The following FHIT variants were observed in gnomAD, a reference collection of about 807,000 sequenced individuals.
FHIT encodes the protein fragile histidine triad diadenosine triphosphatase.
In FHIT, 19 loss-of-function variants were observed where a neutral mutation model predicts 17.9. That is an observed-to-expected ratio of 1.06 (90% CI 0.74 to 1.56). FHIT has a LOEUF of 1.56. FHIT is among the 40% of genes most tolerant of loss of function. FHIT has a pLI of 0.00. For missense variants in FHIT, 248 were observed against 189.2 expected (o/e 1.31, Z -1.82); for synonymous variants, 81 against 69.7 (o/e 1.16, Z -0.81).
intron 4 of FHIT, among the ~76,000 whole-genome samples, chr3:60,661,489 T>C (rs1422459131): frequency 2.6e-5 from 4 of 152,224 alleles, no homozygotes; most frequent in Non-Finnish European, 4.4e-5. Context: ...AGTTTTGCAA[T>C]TGGAAATTGT....
At chr3:59,828,189 C>T (rs1189778423) in intron 8 of FHIT, among the ~76,000 whole-genome samples, 1 of 152,160 alleles carries the variant, frequency 6.6e-6, no homozygotes, top group Non-Finnish European at 1.5e-5. Flanking sequence ...TCATTTTGAA[C>T]TCTGTCAGAC....
chr3:61,225,944 G>T lies in FHIT; in HGVS notation c.-212-25279C>A, dbSNP rs374881826. 5.3e-5 allele frequency among the ~76,000 whole-genome samples: 8 copies of T among 152,222 alleles called. No individual in the cohort carries two copies. In the East Asian group the frequency reaches 1.4e-3, roughly 26 times the overall value. Reference sequence around the variant, plus strand: ...TGATCTGATATTCTATTTCACCAGGGCCAAGCTTATAAAATATTAACTATA... The same window carrying T: ...TGATCTGATATTCTATTTCACCAGGTCCAAGCTTATAAAATATTAACTATA... On this transcript the variant is annotated intron_variant, in intron 1 of 9. Transcript: ENST00000492590.
intron 4 of FHIT, among the ~76,000 whole-genome samples, chr3:60,789,498 CAG>C (rs1553727969): frequency 6.6e-6 from 1 of 152,146 alleles, no homozygotes; most frequent in Non-Finnish European, 1.5e-5. Context: ...AGCCTGGCGA[CAG>C]AGTGAGACTC....
chr3:60,020,577 A>T (rs1700518314), intron 5 of FHIT, among the ~76,000 whole-genome samples: 1 of 152,198 alleles, frequency 6.6e-6, no homozygotes, highest in Non-Finnish European at 1.5e-5. Flanking sequence ...AATAAAAAAG[A>T]GTCTGTATTC....
intron 5 of FHIT, among the ~76,000 whole-genome samples, chr3:60,511,536 T>C (rs189135831): frequency 2.0e-5 from 3 of 152,176 alleles, no homozygotes; most frequent in Admixed American, 1.3e-4. Flanking sequence ...TTAGAATAAA[T>C]AGAAGAGAAA....
intron 8 of FHIT, among the ~76,000 whole-genome samples, chr3:59,856,091 C>A (rs1185971331): frequency 6.6e-6 from 1 of 151,902 alleles, no homozygotes; most frequent in Non-Finnish European, 1.5e-5. Context: ...AATAGATAAA[C>A]CTTTGACAAT....
At chr3:60,922,795 T>C (rs1166292202) in intron 3 of FHIT, among the ~76,000 whole-genome samples, 1 of 152,184 alleles carries the variant, frequency 6.6e-6, no homozygotes, top group Non-Finnish European at 1.5e-5. Flanking sequence ...TGCCATCTAC[T>C]ACCACTTCCA....
intron 3 of FHIT, among the ~76,000 whole-genome samples, chr3:60,864,975 A>T (rs184909139): frequency 1.3e-5 from 2 of 152,280 alleles, no homozygotes; most frequent in Non-Finnish European, 2.9e-5. Context: ...AACCACAGAG[A>T]CACTGCTCAG....
chr3:60,605,995 T>G (rs1187121713), intron 4 of FHIT, among the ~76,000 whole-genome samples: 1 of 152,150 alleles, frequency 6.6e-6, no homozygotes, highest in Non-Finnish European at 1.5e-5. Context: ...GACACAATTA[T>G]AGAAACCAGG....
At chr3:59,869,722 A>C (rs1702833890) in intron 8 of FHIT, among the ~76,000 whole-genome samples, 1 of 151,006 alleles carries the variant, frequency 6.6e-6, no homozygotes, top group South Asian at 2.1e-4. Context: ...TCCTGACCTC[A>C]TGATCTGCCC....
rs1699281730 is a variant in FHIT, at chr3:59,786,216, A to G, written c.349-33895T>C. ...ATGCTGACCCACCTCCTCCTGGACA[A>G]CAGAGACAAAAGAGTTAATAATGTG... is the stretch of plus-strand genomic sequence containing the variant. On this transcript the variant is annotated intron_variant, in intron 8 of 9. Transcript: ENST00000492590. 2.0e-5 allele frequency among the ~76,000 whole-genome samples: 3 copies of G among 152,262 alleles called. No individual in the cohort carries two copies. The South Asian group carries it at 6.2e-4, about 32-fold the overall frequency.
intron 4 of FHIT, among the ~76,000 whole-genome samples, chr3:60,761,811 C>T (rs781535781): frequency 1.3e-4 from 19 of 151,996 alleles, no homozygotes; most frequent in South Asian, 4.2e-4. Context: ...ACCAGCTATC[C>T]GAACATTTAC....
chr3:59,958,274 A>G (rs1707499387), intron 7 of FHIT, among the ~76,000 whole-genome samples: 1 of 152,228 alleles, frequency 6.6e-6, no homozygotes, highest in South Asian at 2.1e-4. Flanking sequence ...TCAGCAAACT[A>G]TTAGCTCATA....
At chr3:59,869,425 T>A (rs1258838499) in intron 8 of FHIT, among the ~76,000 whole-genome samples, 4 of 151,852 alleles carry the variant, frequency 2.6e-5, no homozygotes, top group African/African-American at 9.7e-5. Flanking sequence ...TTGTATTTGA[T>A]ACCGAATGCC....
intron 5 of FHIT, among the ~76,000 whole-genome samples, chr3:60,080,377 A>T (rs564130282): frequency 2.0e-5 from 3 of 152,178 alleles, no homozygotes; most frequent in African/African-American, 7.2e-5. Context: ...TCAAATCAGG[A>T]GTCTAGCCAT....
chr3:60,923,380 G>A (rs1350818237), intron 3 of FHIT, among the ~76,000 whole-genome samples: 1 of 152,142 alleles, frequency 6.6e-6, no homozygotes, highest in East Asian at 1.9e-4. Flanking sequence ...TAGGTAATAT[G>A]AAGAAAACAC....
At chr3:60,503,976 A>G (rs899018471) in intron 5 of FHIT, among the ~76,000 whole-genome samples, 27 of 152,210 alleles carry the variant, frequency 1.8e-4, no homozygotes, top group African/African-American at 5.8e-4. Flanking sequence ...AGAGCAAATA[A>G]GCCTTATTTT....
chr3:60,001,260 C>A (rs13073897), intron 7 of FHIT, among the ~76,000 whole-genome samples: 50,842 of 152,142 alleles, frequency 0.33, 10,338 homozygotes, highest in East Asian at 0.46. Context: ...ACATAGTAGG[C>A]ACTCAATAAA....
chr3:60,423,735 G>A (rs541929019), intron 5 of FHIT, among the ~76,000 whole-genome samples: 2 of 152,156 alleles, frequency 1.3e-5, no homozygotes, highest in African/African-American at 4.8e-5. Flanking sequence ...GTGCAGCTAA[G>A]TAATGCAGCT....
Sources: gnomAD v4.1 joint callset for allele counts (sites outside exome capture counted in the v4.1 genomes callset) on GRCh38, gnomAD v4.1.1 for gene constraint, MANE v1.5 for transcripts, NCBI Gene and HGNC (gene_info 2026-07-23, HGNC 2026-07-21) for gene names.